MACC1: variants seen among roughly 807,000 people sequenced by gnomAD.
MACC1 encodes the protein metastasis-associated in colon cancer protein 1.
A neutral mutation model predicts 70.7 loss-of-function variants in MACC1; 79 were observed. The observed-to-expected ratio is 1.12, with a 90% CI of 0.93 to 1.35. The LOEUF (loss-of-function observed/expected upper bound fraction) is 1.35. Among genes scored for constraint, MACC1 ranks in the 40% most tolerant of loss-of-function variants. The pLI is 0.00. For missense variants in MACC1, 1,106 were observed against 978.1 expected (o/e 1.13, Z -1.74); for synonymous variants, 361 against 347.2 (o/e 1.04, Z -0.44).
In MACC1 at chr7:20,139,511, T is replaced by G. The variant is rs1781766505; in HGVS notation, c.*1435A>C. The G allele has an allele frequency of 6.6e-6, 1 of 152,210 alleles. No individual in the cohort carries two copies. Among genetic ancestry groups the G allele is most frequent in the African/African-American group, 2.4e-5 (1 of 41,450 alleles). The allele number at this position is 152,210 out of a possible 1,614,324, so 9.4% of individuals were successfully genotyped here. On this transcript the variant is annotated 3_prime_UTR_variant, in exon 7 of 7. Transcript: ENST00000400331. ...GCCATTTTCTATTTAACGGTGTCAT[T>G]TTTTAAAATTATCTATTACTTAGCA...
intron 1 of MACC1, among the ~76,000 whole-genome samples, chr7:20,210,220 T>C (rs1327389878): frequency 6.6e-6 from 1 of 152,194 alleles, no homozygotes; most frequent in Non-Finnish European, 1.5e-5. Context: ...AAAAAACACA[T>C]TATTTTATAA....
chr7:20,176,147 T>G (rs1782389511), intron 1 of MACC1, among the ~76,000 whole-genome samples: 1 of 152,128 alleles, frequency 6.6e-6, no homozygotes, highest in Non-Finnish European at 1.5e-5. Context: ...TCAAAACTTA[T>G]TAATAGAGAA....
At chr7:20,169,772 T>A (rs1562590146) in intron 2 of MACC1, among the ~76,000 whole-genome samples, 1 of 152,164 alleles carries the variant, frequency 6.6e-6, no homozygotes. Flanking sequence ...AGAACTAAAC[T>A]AAAATAGGTA....
intron 1 of MACC1, among the ~76,000 whole-genome samples, chr7:20,174,260 C>T (rs1782359097): frequency 6.6e-6 from 1 of 152,106 alleles, no homozygotes; most frequent in Non-Finnish European, 1.5e-5. Context: ...CTGTAAGAAT[C>T]GTGTTGGGAA....
At chr7:20,176,451 T>A (rs564533741) in intron 1 of MACC1, among the ~76,000 whole-genome samples, 1 of 152,278 alleles carries the variant, frequency 6.6e-6, no homozygotes, top group South Asian at 2.1e-4. Context: ...GTATTACTAA[T>A]CATCATGTTT....
intron 6 of MACC1, among the ~76,000 whole-genome samples, chr7:20,152,319 C>A (rs1781992061): frequency 6.6e-6 from 1 of 152,088 alleles, no homozygotes; most frequent in Non-Finnish European, 1.5e-5. Context: ...CCCTCTGCAC[C>A]CCCTACCCAG....
chr7:20,172,046 A>G (rs1196588779), intron 1 of MACC1, among the ~76,000 whole-genome samples: 2 of 152,224 alleles, frequency 1.3e-5, no homozygotes, highest in Non-Finnish European at 2.9e-5. Flanking sequence ...TAATGAGAAT[A>G]TTCTGAGGGA....
intron 3 of MACC1, among the ~76,000 whole-genome samples, chr7:20,163,625 T>C (rs1782169113): frequency 1.3e-5 from 2 of 152,244 alleles, no homozygotes; most frequent in South Asian, 2.1e-4. Context: ...GAACACATAC[T>C]GGTAGTCAGT....
intron 1 of MACC1, among the ~76,000 whole-genome samples, chr7:20,185,991 C>T (rs1782582377): frequency 6.6e-6 from 1 of 152,184 alleles, no homozygotes; most frequent in Non-Finnish European, 1.5e-5. Flanking sequence ...CTTTTGACTA[C>T]ACACAAAGTC....
In MACC1 at chr7:20,139,403, C is replaced by A. The variant is rs1326895015; in HGVS notation, c.*1543G>T. 2 of 152,172 alleles carry A rather than the reference C, an allele frequency of 1.3e-5. No homozygotes were observed. Among genetic ancestry groups the A allele is most frequent in the Non-Finnish European group, 2.9e-5 (2 of 68,052 alleles). 9.4% of individuals were successfully genotyped at this position (152,172 alleles called of 1,614,324 possible). A position where few individuals can be genotyped will look rare whatever the true frequency, so the allele number is the denominator to read the frequency against. On this transcript the variant is annotated 3_prime_UTR_variant, in exon 7 of 7. Transcript: ENST00000400331. Reference sequence around the variant, plus strand: ...AAGAACAAATTTCCCTGACCCACCCCCACTTCCAGTTTCACATGATGGCAT... The same window carrying A: ...AAGAACAAATTTCCCTGACCCACCCACACTTCCAGTTTCACATGATGGCAT...
In MACC1 at chr7:20,140,264, A is replaced by G. The variant is rs928242518; in HGVS notation, c.*682T>C. The stretch of plus-strand genomic sequence containing the variant: ...TTTTGTTTTTACTATTCTGTTATGC[A>G]GTATGATTTTTTAAAAAGAAATAGA... On this transcript the variant is annotated 3_prime_UTR_variant, in exon 7 of 7. Coordinates refer to ENST00000400331, the MANE Select transcript of MACC1 (RefSeq NM_182762.4). 6.6e-6 allele frequency: 1 copy of G among 152,236 alleles called. No individual in the cohort carries two copies. Among genetic ancestry groups the G allele is most frequent in the Non-Finnish European group, 1.5e-5 (1 of 68,040 alleles). 9.4% of individuals were successfully genotyped at this position (152,236 alleles called of 1,614,324 possible).
Position 20,141,047 on chromosome 7 carries a change from G to A in MACC1, c.2458C>T (p.Pro820Ser), listed in dbSNP as rs752729471. 3 of 1,613,750 alleles carry A rather than the reference G, an allele frequency of 1.9e-6. No homozygotes were observed. Among genetic ancestry groups the A allele is most frequent in the African/African-American group, 1.3e-5 (1 of 74,902 alleles). The change falls in exon 7 of 7, where the codon CCT (proline) becomes TCT (serine). Residue 820 changes from proline (P) to serine (S), a missense_variant. Physicochemically the swap from Pro to Ser is moderately conservative, Grantham distance 74. Transcript: ENST00000400331. Reference protein sequence around the residue: ...LQSALDRMKNPVTKHWRELTG... With the variant: ...LQSALDRMKNSVTKHWRELTG... ...AATTCTCTCCAGTGTTTAGTCACAG[G>A]GTTTTTCATTCTGTCCAAAGCTGAC...
At position 20,158,432 on chromosome 7, in the gene MACC1, T is replaced by A. The variant is rs769048928; in HGVS notation, c.1929A>T (p.Leu643Phe). The change falls in exon 5 of 7, where the codon TTA (leucine) becomes TTT (phenylalanine). Residue 643 changes from leucine to phenylalanine, a missense_variant. Leu to Phe is a conservative substitution (Grantham distance 22, BLOSUM62 0). Transcript: ENST00000400331. ...CTGAGTAGATATAAGTCAATTTTTT[T>A]AAAGGCAGGACAATCTGTTCAAGAA... ...RNLLEQIVLP[L>F]KKLTYIYSVV... 9 of 1,613,752 alleles carry A rather than the reference T, an allele frequency of 5.6e-6. No homozygotes were observed. The African/African-American group carries it at 6.7e-5, about 12-fold the overall frequency.
chr7:20,158,735 T>C lies in MACC1; in HGVS notation c.1626A>G (p.Thr542=), dbSNP rs2128102689. 1 of 1,613,984 alleles carries C rather than the reference T, an allele frequency of 6.2e-7. No homozygotes were observed. The highest frequency in any genetic ancestry group is 8.5e-7 in the Non-Finnish European group (1 of 1,179,992). ...LSPKILVKYP[T]FQDKTLNFSN... ...TAAAGTTCAATGTTTTATCTTGAAATGTAGGATATTTAACAAGAATTTTTG... is the reference window on the plus strand; with the variant it reads ...TAAAGTTCAATGTTTTATCTTGAAACGTAGGATATTTAACAAGAATTTTTG... Residue 542 remains threonine (T), a synonymous_variant, in exon 5 of 7, where the codon ACA becomes ACG. Coordinates refer to ENST00000400331, the MANE Select transcript of MACC1 (RefSeq NM_182762.4).
chr7:20,207,959 A>C (rs1782936643), intron 1 of MACC1, among the ~76,000 whole-genome samples: 1 of 152,082 alleles, frequency 6.6e-6, no homozygotes, highest in African/African-American at 2.4e-5. Context: ...TCATGGGGGA[A>C]GTTTCCCCCA....
intron 1 of MACC1, among the ~76,000 whole-genome samples, chr7:20,182,004 T>G (rs1782516399): frequency 6.6e-6 from 1 of 151,870 alleles, no homozygotes; most frequent in South Asian, 2.1e-4. Context: ...TGGAATACTA[T>G]GCAGCCATAA....
At position 20,184,964 on chromosome 7, in the gene MACC1, G is replaced by T. The variant is rs189139079; in HGVS notation, c.-217-14186C>A. 14 of 152,136 alleles carry T rather than the reference G, an allele frequency of 9.2e-5. No individual in the cohort carries two copies. The East Asian group carries it at 2.7e-3, about 29-fold the overall frequency. 9.4% of individuals were successfully genotyped at this position (152,136 alleles called of 1,614,324 possible). On this transcript the variant is annotated intron_variant, in intron 1 of 6. Transcript: ENST00000400331. ...CATTATTATACTAAGTCTTAGAGAC[G>T]AGAATATTCTCAACTTGAACTTACT...
chr7:20,184,641 G>A (rs558525264), intron 1 of MACC1, among the ~76,000 whole-genome samples: 95 of 152,048 alleles, frequency 6.2e-4, no homozygotes, highest in Non-Finnish European at 7.2e-4. Flanking sequence ...GTACACAGAG[G>A]GAGAAAAATA....
At position 20,138,179 on chromosome 7, in the gene MACC1, A is replaced by AAAC. The variant is rs1781745619; in HGVS notation, c.*2766_*2767insGTT. 2 of 139,362 alleles carry AAAC rather than the reference A, an allele frequency of 1.4e-5. No homozygotes were observed. Among genetic ancestry groups the AAAC allele is most frequent in the Non-Finnish European group, 3.1e-5 (2 of 64,310 alleles). The allele number at this position is 139,362 out of a possible 1,614,324, so 8.6% of individuals were successfully genotyped here. A position where few individuals can be genotyped will look rare whatever the true frequency, so the allele number is the denominator to read the frequency against. On this transcript the variant is annotated 3_prime_UTR_variant, in exon 7 of 7. Transcript: ENST00000400331. ...AAAAAAAAAAAAAAAAAAAAAAAAA[A>AAAC]AAATTTCCCCTGGAAGGATTTGTTA...
Sources: allele counts gnomAD v4.1 joint callset (sites outside exome capture counted in the v4.1 genomes callset), GRCh38; gene constraint gnomAD v4.1.1; transcripts MANE v1.5; gene names NCBI Gene and HGNC (gene_info 2026-07-23, HGNC 2026-07-21).